Variants in NRG3 observed in about 807,000 individuals in gnomAD.
The protein encoded by NRG3 is neuregulin 3.
In NRG3, 31 loss-of-function variants were observed where a neutral mutation model predicts 66.9. The observed-to-expected ratio is 0.46, with a 90% confidence interval of 0.35 to 0.63. The LOEUF is 0.63. NRG3 is among the 20% of genes least tolerant of loss of function. NRG3 has a pLI of 0.00. For synonymous variants in NRG3, 393 were observed against 359.4 expected (o/e 1.09, Z -1.06); for missense variants, 910 against 878.9 (o/e 1.04, Z -0.45).
intron 2 of NRG3, among the ~76,000 whole-genome samples, chr10:82,386,893 G>A (rs1035285147): frequency 2.0e-5 from 3 of 152,020 alleles, no homozygotes; most frequent in Admixed American, 6.6e-5. Context: ...TCCTCCTCCC[G>A]GGTTCAAGCT....
chr10:82,415,862 T>C (rs1283092516), intron 2 of NRG3, among the ~76,000 whole-genome samples: 1 of 152,156 alleles, frequency 6.6e-6, no homozygotes, highest in Non-Finnish European at 1.5e-5. Context: ...TGTAAAGATG[T>C]TCAGGTAATT....
intron 2 of NRG3, among the ~76,000 whole-genome samples, chr10:82,722,606 C>T (rs1376305863): frequency 6.6e-6 from 1 of 152,118 alleles, no homozygotes; most frequent in Non-Finnish European, 1.5e-5. Flanking sequence ...TCTCCTCATT[C>T]ACACCCTGAG....
At chr10:82,530,543 T>C (rs1231414036) in intron 2 of NRG3, among the ~76,000 whole-genome samples, 1 of 152,000 alleles carries the variant, frequency 6.6e-6, no homozygotes, top group African/African-American at 2.4e-5. Flanking sequence ...GAATCATATA[T>C]AACTTTTTTT....
At position 82,885,706 on chromosome 10, in the gene NRG3, G is replaced by A. The variant is rs534231540; in HGVS notation, c.1054+20269G>A. On this transcript the variant is annotated intron_variant, in intron 4 of 8. Transcript: ENST00000372141. ...GAAGAATTGTAGGCCATCTTTGGGG[G>A]AAAGTTTACCGGATATCATTTGGAA... Among the ~76,000 whole-genome samples the A allele has an allele frequency of 1.2e-3, 188 of 152,274 alleles. 1 individual carries two copies. Among genetic ancestry groups the A allele is most frequent in the Non-Finnish European group, 2.0e-3 (138 of 68,024 alleles).
At chr10:82,567,710 T>C (rs761126090) in intron 2 of NRG3, among the ~76,000 whole-genome samples, 1 of 151,972 alleles carries the variant, frequency 6.6e-6, no homozygotes, top group Non-Finnish European at 1.5e-5. Context: ...AGGAGCTTAA[T>C]TCCTTACTCC....
At chr10:82,356,786 C>T (rs2083814366) in intron 1 of NRG3, among the ~76,000 whole-genome samples, 1 of 152,112 alleles carries the variant, frequency 6.6e-6, no homozygotes, top group South Asian at 2.1e-4. Context: ...AAAATGATAA[C>T]ATAAATGTTA....
In NRG3 at chr10:82,291,070, G is replaced by T. The variant is rs574857865; in HGVS notation, c.824-67669G>T. On this transcript the variant is annotated intron_variant, in intron 1 of 8. Transcript: ENST00000372141. Reference sequence around the variant, plus strand: ...TGTTTTCTCAGCTAGTGCTATTGCAGTTGAACCATAATATATATAAAGACA... The same window carrying T: ...TGTTTTCTCAGCTAGTGCTATTGCATTTGAACCATAATATATATAAAGACA... Among the ~76,000 whole-genome samples, 6 of 152,054 alleles carry T rather than the reference G, an allele frequency of 3.9e-5. No individual in the cohort carries two copies. In the South Asian group the frequency reaches 1.2e-3, roughly 32 times the overall value.
intron 1 of NRG3, among the ~76,000 whole-genome samples, chr10:82,190,363 T>C (rs2074067352): frequency 6.6e-6 from 1 of 152,230 alleles, no homozygotes; most frequent in Non-Finnish European, 1.5e-5. Context: ...AATAAAGTTA[T>C]GGCTTTTGTT....
chr10:82,959,207 C>T (rs1000457617), intron 6 of NRG3, 132 bp downstream of exon 6: 10 of 1,007,966 alleles, frequency 9.9e-6, no homozygotes, highest in East Asian at 2.8e-5. Context: ...ATCGTTTTAA[C>T]AGTTCTGGGC....
chr10:82,525,934 T>A (rs1254666183), intron 2 of NRG3, among the ~76,000 whole-genome samples: 1 of 151,770 alleles, frequency 6.6e-6, no homozygotes, highest in African/African-American at 2.4e-5. Flanking sequence ...ACTAAATGGA[T>A]GAATTAAATG....
At chr10:82,503,930 A>C (rs936392626) in intron 2 of NRG3, among the ~76,000 whole-genome samples, 1 of 152,190 alleles carries the variant, frequency 6.6e-6, no homozygotes, top group Non-Finnish European at 1.5e-5. Context: ...CGGCCTGGAC[A>C]ACAGCTGTGT....
chr10:82,081,503 C>T (rs1433647320), intron 1 of NRG3, among the ~76,000 whole-genome samples: 1 of 152,012 alleles, frequency 6.6e-6, no homozygotes, highest in African/African-American at 2.4e-5. Flanking sequence ...GTAGCAAATG[C>T]CAGAATGATA....
chr10:82,785,145 A>G (rs1020592861), intron 3 of NRG3, among the ~76,000 whole-genome samples: 1 of 148,752 alleles, frequency 6.7e-6, no homozygotes, highest in African/African-American at 2.4e-5. Context: ...ATAGATGGGA[A>G]TTGAACAATG....
intron 4 of NRG3, among the ~76,000 whole-genome samples, chr10:82,877,162 A>G (rs930357150): frequency 4.6e-5 from 7 of 152,150 alleles, no homozygotes; most frequent in Admixed American, 1.3e-4. Context: ...AAGAAAGGAC[A>G]ATGATGGAAC....
intron 2 of NRG3, among the ~76,000 whole-genome samples, chr10:82,425,561 T>G (rs2089371697): frequency 6.6e-6 from 1 of 152,172 alleles, no homozygotes; most frequent in Non-Finnish European, 1.5e-5. Context: ...ATCTAAGTCT[T>G]GTTTTAACGC....
chr10:82,544,652 C>T (rs1385481259), intron 2 of NRG3, among the ~76,000 whole-genome samples: 1 of 152,066 alleles, frequency 6.6e-6, no homozygotes, highest in Non-Finnish European at 1.5e-5. Context: ...GGCTAGTTTG[C>T]TCTACACATC....
chr10:81,947,170 A>G (rs1294041676), intron 1 of NRG3, among the ~76,000 whole-genome samples: 2 of 152,088 alleles, frequency 1.3e-5, no homozygotes, highest in East Asian at 1.9e-4. Context: ...GTCTCTGTCT[A>G]TTCGCAGTAT....
At chr10:82,927,510 C>G (rs991334212) in intron 4 of NRG3, among the ~76,000 whole-genome samples, 10 of 152,182 alleles carry the variant, frequency 6.6e-5, no homozygotes, top group African/African-American at 2.4e-4. Context: ...CACCCCCTGA[C>G]AGGCCCTGGT....
At chr10:82,974,609 A>G (rs969869144) in intron 7 of NRG3, among the ~76,000 whole-genome samples, 1 of 152,240 alleles carries the variant, frequency 6.6e-6, no homozygotes, top group Non-Finnish European at 1.5e-5. Context: ...GTTCAGATAT[A>G]CATCCTCAAT....
Sources: gnomAD v4.1 joint callset for allele counts (sites outside exome capture counted in the v4.1 genomes callset) on GRCh38, gnomAD v4.1.1 for gene constraint, MANE v1.5 for transcripts, NCBI Gene and HGNC (gene_info 2026-07-23, HGNC 2026-07-21) for gene names.